Variants in CTNNA3 observed in about 807,000 individuals in gnomAD.
CTNNA3 encodes catenin alpha 3, also known as catenin alpha-3.
Under a neutral mutation model 95.7 loss-of-function variants are expected in CTNNA3, and 76 were observed. That is an observed-to-expected ratio of 0.79 (90% CI 0.66 to 0.96). The LOEUF (loss-of-function observed/expected upper bound fraction) is 0.96, where lower values mean the gene tolerates loss of function less well. CTNNA3 is among the 40% of genes least tolerant of loss of function. The pLI, the probability that CTNNA3 is intolerant of heterozygous loss-of-function variation, is 0.00. For synonymous variants in CTNNA3, 431 were observed against 374.4 expected, an observed-to-expected ratio of 1.15 and a Z score of -1.74; for missense variants, 1,191 against 1,089.8, an observed-to-expected ratio of 1.09 and a Z score of -1.31.
chr10:67,413,488 A>G (rs1845444840), intron 5 of CTNNA3, among the ~76,000 whole-genome samples: 2 of 152,094 alleles, frequency 1.3e-5, no homozygotes, highest in Admixed American at 1.3e-4. Context: ...CAACCACACA[A>G]TAATAGTGGG....
intron 3 of CTNNA3, among the ~76,000 whole-genome samples, chr10:67,586,566 G>T (rs1842634211): frequency 6.6e-6 from 1 of 151,960 alleles, no homozygotes; most frequent in South Asian, 2.1e-4. Flanking sequence ...TAATGATCTT[G>T]TCTTTTTTAT....
chr10:66,980,909 T>C (rs1191230389), intron 7 of CTNNA3, among the ~76,000 whole-genome samples: 1 of 152,064 alleles, frequency 6.6e-6, no homozygotes, highest in Non-Finnish European at 1.5e-5. Flanking sequence ...CTTTCTTTTT[T>C]ATTTATTTAT....
intron 7 of CTNNA3, among the ~76,000 whole-genome samples, chr10:66,999,092 T>C (rs2140374): frequency 0.52 from 79,260 of 151,848 alleles, 21,319 homozygotes; most frequent in Middle Eastern, 0.74. Context: ...ATTGGAACAC[T>C]ATAGAAACAC....
chr10:66,022,997 A>T (rs2079253585), intron 15 of CTNNA3, among the ~76,000 whole-genome samples: 1 of 152,194 alleles, frequency 6.6e-6, no homozygotes, highest in African/African-American at 2.4e-5. Flanking sequence ...TAGAACACTG[A>T]TATCAACCCA....
At chr10:67,575,255 CATA>C (rs1025815365) in intron 3 of CTNNA3, among the ~76,000 whole-genome samples, 1 of 151,078 alleles carries the variant, frequency 6.6e-6, no homozygotes, top group African/African-American at 2.4e-5. Flanking sequence ...CTCTTTCAAT[CATA>C]ATAACTATTT....
chr10:67,151,038 T>C (rs1444336700), intron 7 of CTNNA3, among the ~76,000 whole-genome samples: 3 of 152,194 alleles, frequency 2.0e-5, no homozygotes, highest in Non-Finnish European at 2.9e-5. Flanking sequence ...GATGCACAGA[T>C]GGCTAATTCC....
At chr10:66,231,271 C>G (rs564871370) in intron 13 of CTNNA3, among the ~76,000 whole-genome samples, 4 of 152,164 alleles carry the variant, frequency 2.6e-5, no homozygotes, top group African/African-American at 9.6e-5. Context: ...GCAGACAATC[C>G]TGGCCAGACA....
intron 7 of CTNNA3, among the ~76,000 whole-genome samples, chr10:66,848,043 T>C (rs1252493893): frequency 2.0e-5 from 3 of 152,076 alleles, no homozygotes; most frequent in Non-Finnish European, 2.9e-5. Flanking sequence ...GAACATGCTA[T>C]ATGTGGAGAA....
intron 9 of CTNNA3, among the ~76,000 whole-genome samples, chr10:66,676,820 T>C (rs927240895): frequency 6.6e-6 from 1 of 152,146 alleles, no homozygotes; most frequent in African/African-American, 2.4e-5. Flanking sequence ...ATAAACATTC[T>C]GGCAGCACAG....
chr10:66,761,823 G>A (rs997059025), intron 9 of CTNNA3, among the ~76,000 whole-genome samples: 1 of 152,084 alleles, frequency 6.6e-6, no homozygotes, highest in African/African-American at 2.4e-5. Context: ...TATAGAGTCT[G>A]CTTTTGATAA....
intron 13 of CTNNA3, among the ~76,000 whole-genome samples, chr10:66,197,268 A>T (rs1215745341): frequency 2.0e-5 from 3 of 152,228 alleles, no homozygotes; most frequent in Admixed American, 2.0e-4. Context: ...AGTTATACTC[A>T]ACCCATAGGT....
At chr10:67,104,455 C>A (rs1423925602) in intron 7 of CTNNA3, among the ~76,000 whole-genome samples, 1 of 151,894 alleles carries the variant, frequency 6.6e-6, no homozygotes, top group Non-Finnish European at 1.5e-5. Flanking sequence ...AAATAAATAT[C>A]ATTTCCTTGT....
At chr10:66,922,658 T>G (rs1482206802) in intron 7 of CTNNA3, among the ~76,000 whole-genome samples, 1 of 152,242 alleles carries the variant, frequency 6.6e-6, no homozygotes, top group East Asian at 1.9e-4. Context: ...GAGTGGCTAC[T>G]GATTACTGTT....
intron 13 of CTNNA3, among the ~76,000 whole-genome samples, chr10:66,105,252 A>G (rs1327561779): frequency 6.6e-6 from 1 of 152,174 alleles, no homozygotes; most frequent in Non-Finnish European, 1.5e-5. Flanking sequence ...GTTCATTACG[A>G]TGTAATTTCT....
intron 1 of CTNNA3, among the ~76,000 whole-genome samples, chr10:67,728,021 T>C (rs1841251294): frequency 7.1e-6 from 1 of 141,056 alleles, no homozygotes; most frequent in African/African-American, 2.6e-5. Context: ...ATATATCATA[T>C]ATTATATATG....
At chr10:66,703,650 A>C (rs1212620928) in intron 9 of CTNNA3, among the ~76,000 whole-genome samples, 1 of 152,162 alleles carries the variant, frequency 6.6e-6, no homozygotes, top group Admixed American at 6.5e-5. Context: ...CACTCCTTGA[A>C]AACAGTGAGG....
chr10:65,918,870 T>G lies in CTNNA3; in HGVS notation c.*1460A>C, dbSNP rs1259862445. 6.6e-6 allele frequency: 1 copy of G among 152,178 alleles called. No homozygotes were observed. Among genetic ancestry groups the G allele is most frequent in the Non-Finnish European group, 1.5e-5 (1 of 68,012 alleles). 9.4% of individuals were successfully genotyped at this position (152,178 alleles called of 1,614,324 possible). The stretch of plus-strand genomic sequence containing the variant: ...ATGCTTTTCTATGTTTCATGCATCC[T>G]TTTACCCAAACTGGTTCTCCTAATA... On this transcript the variant is annotated 3_prime_UTR_variant, in exon 18 of 18. Transcript: ENST00000433211.
intron 17 of CTNNA3, among the ~76,000 whole-genome samples, chr10:65,950,805 T>C (rs1412592759): frequency 6.6e-6 from 1 of 152,126 alleles, no homozygotes; most frequent in Non-Finnish European, 1.5e-5. Context: ...TTGTAAGGAG[T>C]ACATTTAACA....
chr10:67,702,175 T>C (rs1217319688), intron 1 of CTNNA3, among the ~76,000 whole-genome samples: 2 of 152,136 alleles, frequency 1.3e-5, no homozygotes, highest in South Asian at 4.1e-4. Context: ...ACAATAATAA[T>C]GGGAGACTTT....
Sources: allele counts gnomAD v4.1 joint callset (sites outside exome capture counted in the v4.1 genomes callset), GRCh38; gene constraint gnomAD v4.1.1; transcripts MANE v1.5; gene names NCBI Gene and HGNC (gene_info 2026-07-23, HGNC 2026-07-21).